PCDHGA12: variants seen among roughly 807,000 people sequenced by gnomAD.
The protein encoded by PCDHGA12 is protocadherin gamma subfamily A, 12.
A neutral mutation model predicts 61.1 loss-of-function variants in PCDHGA12; 43 were observed. The ratio of observed to expected loss-of-function variants is 0.70; its 90% CI spans 0.55 to 0.91. PCDHGA12 has a LOEUF of 0.91. Among genes scored for constraint, PCDHGA12 ranks in the 40% least tolerant of loss-of-function variants. PCDHGA12 has a pLI of 0.00. For missense variants in PCDHGA12, 1,236 were observed against 1,227.7 expected (o/e 1.01, Z -0.10); for synonymous variants, 520 against 542.9 (o/e 0.96, Z 0.59).
At chr5:141,504,660 C>T (rs1002186811) in intron 2 of PCDHGA12, among the ~76,000 whole-genome samples, 8 of 101,980 alleles carry the variant, frequency 7.8e-5, no homozygotes, top group Admixed American at 5.7e-4. Flanking sequence ...TGTTTGAGGG[C>T]GGGGGGTGGG....
chr5:141,446,266 A>C (rs1268290014), intron 1 of PCDHGA12, among the ~76,000 whole-genome samples: 1 of 152,174 alleles, frequency 6.6e-6, no homozygotes, highest in African/African-American at 2.4e-5. Context: ...TTATTAACTG[A>C]ATAAATACAA....
At chr5:141,500,012 A>G (rs2099795840) in intron 2 of PCDHGA12, among the ~76,000 whole-genome samples, 1 of 151,622 alleles carries the variant, frequency 6.6e-6, no homozygotes, top group Non-Finnish European at 1.5e-5. Flanking sequence ...TAAGGTCCAC[A>G]TTTTATATTT....
At chr5:141,471,263 C>T (rs2099253826) in intron 1 of PCDHGA12, 1 of 151,898 alleles carries the variant, frequency 6.6e-6, no homozygotes, top group African/African-American at 2.4e-5. Context: ...GTTGGCAAGG[C>T]TGGTCTCAAA....
intron 1 of PCDHGA12, 56 bp downstream of exon 1, chr5:141,433,239 G>A: frequency 1.3e-6 from 2 of 1,494,126 alleles, no homozygotes; most frequent in Non-Finnish European, 1.8e-6. Context: ...TGTCTCCCAA[G>A]CTGGAATGCA....
At position 141,511,237 on chromosome 5, in the gene PCDHGA12, TG is replaced by T; in HGVS notation, c.*65del. 1 of 1,590,378 alleles carries T rather than the reference TG, an allele frequency of 6.3e-7. No individual in the cohort carries two copies. Among genetic ancestry groups the T allele is most frequent in the Non-Finnish European group, 8.6e-7 (1 of 1,168,304 alleles). On this transcript the variant is annotated 3_prime_UTR_variant, in exon 4 of 4. Transcript: ENST00000252085. ...CCAACCAGCCCAGCTTCTCCTTACC[TG>T]CACCCAGGCCTCAGAGTTTCAGGGC...
At chr5:141,459,199 A>G (rs930769883) in intron 1 of PCDHGA12, among the ~76,000 whole-genome samples, 6 of 152,200 alleles carry the variant, frequency 3.9e-5, no homozygotes, top group African/African-American at 1.4e-4. Flanking sequence ...TTTGCAATCA[A>G]TTCACTACTT....
At chr5:141,446,502 A>G (rs1178198384) in intron 1 of PCDHGA12, among the ~76,000 whole-genome samples, 5 of 150,732 alleles carry the variant, frequency 3.3e-5, no homozygotes, top group Non-Finnish European at 7.4e-5. Context: ...TTTGAGATGG[A>G]GTCTCGCTCT....
At chr5:141,435,728 A>T (rs549219746) in intron 1 of PCDHGA12, among the ~76,000 whole-genome samples, 1 of 152,200 alleles carries the variant, frequency 6.6e-6, no homozygotes, top group Non-Finnish European at 1.5e-5. Flanking sequence ...GCTAAAGTGT[A>T]TTACTCTTTG....
chr5:141,433,123 C>A lies in PCDHGA12; in HGVS notation c.2364C>A (p.Ser788Arg). 6.2e-7 allele frequency: 1 copy of A among 1,614,116 alleles called. No homozygotes were observed. The highest frequency in any genetic ancestry group is 8.5e-7 in the Non-Finnish European group (1 of 1,179,998). The change falls in exon 1 of 4, where the codon AGC becomes AGA. Residue 788 changes from serine to arginine, a missense_variant. Physicochemically the swap from Ser to Arg is moderately radical, Grantham distance 110 (BLOSUM62 -1). Coordinates refer to ENST00000252085, the MANE Select transcript of PCDHGA12 (RefSeq NM_003735.3). ...TCAGCCAGGAGAGCTTTGAAAAAAG[C>A]GAGCCCCTTTTGCTGTCAGGTGATT... ...MLVSQESFEK[S>R]EPLLLSGDSV...
chr5:141,490,045 C>G lies in PCDHGA12; in HGVS notation c.2425-4762C>G, dbSNP rs530803072. 6 of 1,614,114 alleles carry G rather than the reference C, an allele frequency of 3.7e-6. No individual in the cohort carries two copies. The highest frequency in any genetic ancestry group is 5.1e-6 in the Non-Finnish European group (6 of 1,180,014). On this transcript the variant is annotated intron_variant, in intron 1 of 3. Coordinates refer to ENST00000252085, the MANE Select transcript of PCDHGA12 (RefSeq NM_003735.3). This position sits in a 1 kb window ranked among gnomAD's most constrained non-coding sequence, Gnocchi z 5.4. ...GCTGCTCCGCCTCAATGCCACTGAT[C>G]CAGACGAGGGCACCAACGGCCAACT...
intron 1 of PCDHGA12, among the ~76,000 whole-genome samples, chr5:141,468,952 G>GTT (rs34870721): frequency 3.3e-5 from 5 of 151,198 alleles, no homozygotes; most frequent in Admixed American, 6.6e-5. Flanking sequence ...TAAACCTGTG[G>GTT]TTTTTTTTAC....
chr5:141,449,283 A>C (rs937339676), intron 1 of PCDHGA12, among the ~76,000 whole-genome samples: 1 of 152,102 alleles, frequency 6.6e-6, no homozygotes, highest in African/African-American at 2.4e-5. Flanking sequence ...CTTCACCCGG[A>C]TGCACCGGGT....
chr5:141,430,952 C>G lies in PCDHGA12; in HGVS notation c.193C>G (p.Arg65Gly). 1.2e-6 allele frequency: 2 copies of G among 1,610,382 alleles called. No individual in the cohort carries two copies. Among genetic ancestry groups the G allele is most frequent in the African/African-American group, 2.7e-5 (2 of 74,822 alleles). The change falls in exon 1 of 4, where the codon CGC becomes GGC. Residue 65 changes from arginine (R) to glycine (G), a missense_variant. Transcript: ENST00000252085. ...EPRELAERGV[R>G]IIPRGRTQLF... is the part of the protein sequence containing the mutation. ...CCGGGAGCTCGCGGAGCGCGGAGTC[C>G]GCATCATCCCCAGAGGTAGGACGCA...
intron 2 of PCDHGA12, among the ~76,000 whole-genome samples, chr5:141,498,710 T>C (rs2099785302): frequency 1.3e-5 from 2 of 152,108 alleles, no homozygotes. Flanking sequence ...GGTGGGTGGA[T>C]CACCTGAGGT....
chr5:141,447,658 A>C (rs114314834), intron 1 of PCDHGA12, among the ~76,000 whole-genome samples: 3,576 of 152,302 alleles, frequency 0.023, 90 homozygotes, highest in Non-Finnish European at 0.03. Context: ...TTTCCCCCCC[A>C]GGAAGTTAGA....
At chr5:141,509,650 T>C (rs1484029268) in intron 3 of PCDHGA12, among the ~76,000 whole-genome samples, 1 of 152,188 alleles carries the variant, frequency 6.6e-6, no homozygotes, top group African/African-American at 2.4e-5. Context: ...GGCCAGAGTG[T>C]GGACTTCTCT....
chr5:141,454,860 T>G (rs62379170), intron 1 of PCDHGA12, among the ~76,000 whole-genome samples: 5,850 of 133,200 alleles, frequency 0.044, 153 homozygotes, highest in Middle Eastern at 0.11. Context: ...CAGGCTGGAG[T>G]GCAGTGGCAC....
In PCDHGA12 at chr5:141,489,198, C is replaced by G; in HGVS notation, c.2425-5609C>G. 1 of 1,392,402 alleles carries G rather than the reference C, an allele frequency of 7.2e-7. No individual in the cohort carries two copies. Among genetic ancestry groups the G allele is most frequent in the South Asian group, 1.4e-5 (1 of 71,348 alleles). The allele number at this position is 1,392,402 out of a possible 1,614,324, so 86.3% of individuals were successfully genotyped here. A position where few individuals can be genotyped will look rare whatever the true frequency, so the allele number is the denominator to read the frequency against. On this transcript the variant is annotated intron_variant, in intron 1 of 3. Coordinates refer to ENST00000252085, the MANE Select transcript of PCDHGA12 (RefSeq NM_003735.3). This position sits in a 1 kb window ranked among gnomAD's most constrained non-coding sequence, Gnocchi z 4.5. ...CCAAGCCCTGGGTCTACCTTGGAGA[C>G]AGGACAGCACAGACTTACTCTCCAC...
rs776975666 is a variant in PCDHGA12 at position 141,432,850 on chromosome 5, G to A, written c.2091G>A (p.Val697=). The A allele has an allele frequency of 6.2e-7, 1 of 1,614,170 alleles. No homozygotes were observed. The highest frequency in any genetic ancestry group is 1.1e-5 in the South Asian group (1 of 91,088). ...SDLTLYLVVA[V]AAVSCVFLAF... ...TCACTCTGTACCTGGTGGTAGCGGT[G>A]GCCGCGGTCTCCTGCGTCTTCCTGG... is the stretch of plus-strand genomic sequence containing the variant. Residue 697 remains valine (V), a synonymous_variant, in exon 1 of 4, where the codon GTG becomes GTA. Coordinates refer to ENST00000252085, the MANE Select transcript of PCDHGA12 (RefSeq NM_003735.3). The surrounding 1 kb of genome is among the most constrained non-coding windows in gnomAD (Gnocchi z 6.0).
Sources: gnomAD v4.1 joint callset for allele counts (sites outside exome capture counted in the v4.1 genomes callset) on GRCh38, gnomAD v4.1.1 for gene constraint, Gnocchi (gnomAD v3.1) non-coding constraint, MANE v1.5 for transcripts, NCBI Gene and HGNC (gene_info 2026-07-23, HGNC 2026-07-21) for gene names.